The following PARD3B variants were observed in gnomAD, a reference collection of about 807,000 sequenced individuals.
PARD3B encodes the protein par-3 family cell polarity regulator beta.
PARD3B carries 103 observed loss-of-function variants against 130.2 expected under a neutral mutation model. The ratio of observed to expected loss-of-function variants is 0.79; its 90% CI spans 0.67 to 0.93. The LOEUF is 0.93. Among genes scored for constraint, PARD3B ranks in the 40% least tolerant of loss-of-function variants. PARD3B has a pLI of 0.00. For synonymous variants in PARD3B, 583 were observed against 553.2 expected (o/e 1.05, Z -0.76); for missense variants, 1,609 against 1,499.2 (o/e 1.07, Z -1.21).
chr2:205,516,999 C>A (rs531882207), intron 21 of PARD3B, among the ~76,000 whole-genome samples: 21 of 152,082 alleles, frequency 1.4e-4, no homozygotes, highest in Admixed American at 3.3e-4. Context: ...TATCATAAAC[C>A]TTTTCTGCGT....
chr2:205,218,694 C>G (rs2038078135), intron 15 of PARD3B, among the ~76,000 whole-genome samples: 1 of 152,116 alleles, frequency 6.6e-6, no homozygotes, highest in East Asian at 1.9e-4. Flanking sequence ...ACTATGGGTA[C>G]AGCCCATTGC....
chr2:204,590,305 A>G (rs2033019701), intron 1 of PARD3B, among the ~76,000 whole-genome samples: 1 of 152,092 alleles, frequency 6.6e-6, no homozygotes, highest in Non-Finnish European at 1.5e-5. Context: ...TACCTTCCCA[A>G]CGCCCTGCCT....
chr2:205,000,349 C>G (rs1694730536), intron 3 of PARD3B, among the ~76,000 whole-genome samples: 1 of 152,092 alleles, frequency 6.6e-6, no homozygotes, highest in Non-Finnish European at 1.5e-5. Flanking sequence ...AAATCTGTTG[C>G]TGATATTTAT....
Position 204,774,561 on chromosome 2 carries a change from T to C in PARD3B, c.222+88279T>C, listed in dbSNP as rs146910169. On this transcript the variant is annotated intron_variant, in intron 2 of 22. Transcript: ENST00000406610. ...TGACACTTTTTAAAATCTGTATTTA[T>C]GGATAACATTAGGGACAAACACCTA... 5.9e-5 allele frequency among the ~76,000 whole-genome samples: 9 copies of C among 152,246 alleles called. No homozygotes were observed. The East Asian group carries it at 1.7e-3, about 29-fold the overall frequency.
intron 21 of PARD3B, among the ~76,000 whole-genome samples, chr2:205,533,397 C>T (rs923799672): frequency 6.6e-6 from 1 of 152,092 alleles, no homozygotes; most frequent in African/African-American, 2.4e-5. Context: ...TTTTATTCTC[C>T]TATCCACCAG....
At chr2:205,289,163 A>G (rs1270737567) in intron 16 of PARD3B, among the ~76,000 whole-genome samples, 2 of 152,220 alleles carry the variant, frequency 1.3e-5, no homozygotes, top group Non-Finnish European at 2.9e-5. Context: ...GGCTACTAAT[A>G]GAAGTAAAGG....
chr2:204,717,992 G>A (rs1406921373), intron 2 of PARD3B, among the ~76,000 whole-genome samples: 2 of 152,156 alleles, frequency 1.3e-5, no homozygotes, highest in East Asian at 3.8e-4. Flanking sequence ...TTAAGGTTAT[G>A]TGAATGTTCC....
intron 15 of PARD3B, among the ~76,000 whole-genome samples, chr2:205,228,490 A>G (rs1001059235): frequency 6.6e-6 from 1 of 151,558 alleles, no homozygotes; most frequent in Non-Finnish European, 1.5e-5. Context: ...CTGGAGCTCC[A>G]TTGTTTATTA....
chr2:205,102,526 A>C (rs1702855336), intron 4 of PARD3B, among the ~76,000 whole-genome samples: 1 of 152,082 alleles, frequency 6.6e-6, no homozygotes, highest in Admixed American at 6.6e-5. Context: ...GCTTTCAAAA[A>C]CAATCGTCTT....
rs537026835 is a variant in PARD3B, at chr2:204,906,321, A to G, written c.223-58831A>G. Among the ~76,000 whole-genome samples, 1 of 152,224 alleles carries G rather than the reference A, an allele frequency of 6.6e-6. No individual in the cohort carries two copies. The highest frequency in any genetic ancestry group is 1.5e-5 in the Non-Finnish European group (1 of 68,034). ...CAGACTTTTCTTGCTTTGAAATACCATAATAACTCTGTCATCACATAAACA... is the reference window on the plus strand; with the variant it reads ...CAGACTTTTCTTGCTTTGAAATACCGTAATAACTCTGTCATCACATAAACA... On this transcript the variant is annotated intron_variant, in intron 2 of 22. Transcript: ENST00000406610. This position sits in a 1 kb window ranked among gnomAD's most constrained non-coding sequence, Gnocchi z 4.3.
intron 18 of PARD3B, among the ~76,000 whole-genome samples, chr2:205,372,291 C>T (rs1385257353): frequency 6.6e-6 from 1 of 152,220 alleles, no homozygotes; most frequent in Non-Finnish European, 1.5e-5. Flanking sequence ...TATGAAGGCT[C>T]TAATTTATCT....
rs3051346 is a variant in PARD3B at position 204,550,412 on chromosome 2, CTGTGTGTGTGTGTGTG to C, written c.120+4315_120+4330del. On this transcript the variant is annotated intron_variant, in intron 1 of 22. Transcript: ENST00000406610. ...GGAATGCATGGATGCGGAGGGCTGA[CTGTGTGTGTGTGTGTG>C]TGTGTGTGTGTGTGTGTGTGTATTC... is the stretch of plus-strand genomic sequence containing the variant. Among the ~76,000 whole-genome samples, 123 of 144,392 alleles carry C rather than the reference CTGTGTGTGTGTGTGTG, an allele frequency of 8.5e-4. 4 individuals are homozygous for C. The highest frequency in any genetic ancestry group is 7.2e-3 in the Middle Eastern group (2 of 278). The allele number at this position is 144,392 out of a possible 152,430, so 94.7% of individuals were successfully genotyped here. A position where few individuals can be genotyped will look rare whatever the true frequency, so the allele number is the denominator to read the frequency against.
chr2:204,744,200 G>A lies in PARD3B; in HGVS notation c.222+57918G>A, dbSNP rs541326794. ...TGACTGAATTAAGATCTTTGTACCA[G>A]AGAGTCATTCAGATTGGTCCAACTT... On this transcript the variant is annotated intron_variant, in intron 2 of 22. Transcript: ENST00000406610. Among the ~76,000 whole-genome samples the A allele has an allele frequency of 2.0e-5, 3 of 152,242 alleles. No homozygotes were observed. The South Asian group carries it at 6.2e-4, about 32-fold the overall frequency.
intron 2 of PARD3B, among the ~76,000 whole-genome samples, chr2:204,888,730 CAAAAAA>C (rs11315348): frequency 1.2e-5 from 1 of 81,382 alleles, no homozygotes; most frequent in African/African-American, 3.8e-5. Context: ...GACCCTGTCT[CAAAAAA>C]AAAAAAAAAA....
rs559776054 is a variant in PARD3B at position 204,705,359 on chromosome 2, C to G, written c.222+19077C>G. Among the ~76,000 whole-genome samples, 4 of 152,068 alleles carry G rather than the reference C, an allele frequency of 2.6e-5. No homozygotes were observed. In the South Asian group the frequency reaches 8.3e-4, roughly 31 times the overall value. On this transcript the variant is annotated intron_variant, in intron 2 of 22. Coordinates refer to ENST00000406610, the MANE Select transcript of PARD3B (RefSeq NM_001302769.2). ...TAATGCTTGGTAATGGCTATAAAGACACACATAGTGGAGTAAAAGAACAGA... is the reference window on the plus strand; with the variant it reads ...TAATGCTTGGTAATGGCTATAAAGAGACACATAGTGGAGTAAAAGAACAGA...
intron 1 of PARD3B, among the ~76,000 whole-genome samples, chr2:204,563,112 G>T (rs2031423973): frequency 6.6e-6 from 1 of 152,072 alleles, no homozygotes; most frequent in Non-Finnish European, 1.5e-5. Flanking sequence ...CTCTAGAGAA[G>T]GATTCTTTCT....
intron 18 of PARD3B, among the ~76,000 whole-genome samples, chr2:205,318,868 A>G (rs1360126357): frequency 6.6e-6 from 1 of 152,162 alleles, no homozygotes; most frequent in African/African-American, 2.4e-5. Flanking sequence ...TGGAGAAGTC[A>G]TGGCCAGGCC....
At chr2:205,153,223 T>A (rs1396395520) in intron 10 of PARD3B, among the ~76,000 whole-genome samples, 2 of 152,218 alleles carry the variant, frequency 1.3e-5, no homozygotes, top group African/African-American at 4.8e-5. Context: ...CCAGTTAGGC[T>A]ACTTGGGGGT....
chr2:204,792,694 T>C (rs2042239314), intron 2 of PARD3B, among the ~76,000 whole-genome samples: 1 of 152,094 alleles, frequency 6.6e-6, no homozygotes, highest in Non-Finnish European at 1.5e-5. Context: ...ATATTGTACC[T>C]AAAATAAAAA....
Sources: allele counts gnomAD v4.1 joint callset (sites outside exome capture counted in the v4.1 genomes callset), GRCh38; gene constraint gnomAD v4.1.1; non-coding constraint Gnocchi (gnomAD v3.1); transcripts MANE v1.5; gene names NCBI Gene and HGNC (gene_info 2026-07-23, HGNC 2026-07-21).